Variants in GRM8 observed in about 807,000 individuals in gnomAD.
GRM8 encodes the protein metabotropic glutamate receptor 8.
Under a neutral mutation model 87.2 loss-of-function variants are expected in GRM8, and 47 were observed. The ratio of observed to expected loss-of-function variants is 0.54; its 90% CI spans 0.43 to 0.69. The LOEUF (loss-of-function observed/expected upper bound fraction) is 0.69, where lower values mean the gene tolerates loss of function less well. Ranked by LOEUF, GRM8 falls within the 30% of genes least tolerant of loss-of-function variation. The pLI, the probability that GRM8 is intolerant of heterozygous loss-of-function variation, is 0.00. For synonymous variants in GRM8, 396 were observed against 404.5 expected, an observed-to-expected ratio of 0.98 and a Z score of 0.25; for missense variants, 1,019 against 1,139.2, an observed-to-expected ratio of 0.89 and a Z score of 1.52.
chr7:127,196,697 A>C (rs904610416), intron 2 of GRM8, among the ~76,000 whole-genome samples: 1 of 152,212 alleles, frequency 6.6e-6, no homozygotes, highest in African/African-American at 2.4e-5. Flanking sequence ...AAGGCAATAA[A>C]GCAGAGCCTT....
At chr7:126,477,391 C>T (rs1260068706) in intron 9 of GRM8, among the ~76,000 whole-genome samples, 7 of 151,876 alleles carry the variant, frequency 4.6e-5, no homozygotes, top group Non-Finnish European at 8.8e-5. Flanking sequence ...ACCTGACACA[C>T]AGACACAAAG....
At chr7:127,149,748 CT>C (rs1424957304) in intron 2 of GRM8, among the ~76,000 whole-genome samples, 3 of 151,974 alleles carry the variant, frequency 2.0e-5, no homozygotes, top group Non-Finnish European at 4.4e-5. Flanking sequence ...GAACAAGATT[CT>C]ACTTGCCACG....
intron 6 of GRM8, among the ~76,000 whole-genome samples, chr7:126,825,606 T>A (rs760031245): frequency 2.6e-5 from 4 of 152,124 alleles, no homozygotes; most frequent in Non-Finnish European, 4.4e-5. Flanking sequence ...TACTTAATAG[T>A]GTTAAAGGAC....
intron 3 of GRM8, among the ~76,000 whole-genome samples, chr7:127,080,078 G>A (rs1822691384): frequency 6.6e-6 from 1 of 152,194 alleles, no homozygotes; most frequent in Non-Finnish European, 1.5e-5. Flanking sequence ...TAGCTATCCA[G>A]CTGAATTTGA....
At chr7:126,642,629 G>C (rs938986670) in intron 7 of GRM8, among the ~76,000 whole-genome samples, 1 of 142,426 alleles carries the variant, frequency 7.0e-6, no homozygotes, top group Non-Finnish European at 1.6e-5. Context: ...GACAGAGCGA[G>C]ACTCCATCTA....
At position 126,742,428 on chromosome 7, in the gene GRM8, C is replaced by T. The variant is rs544311252; in HGVS notation, c.1357+27437G>A. 3.3e-5 allele frequency among the ~76,000 whole-genome samples: 5 copies of T among 151,990 alleles called. No homozygotes were observed. In the East Asian group the frequency reaches 9.7e-4, roughly 30 times the overall value. ...CAGTCCTACAACAGTATCCTATTTCCTTTAATTTGGGACTTTAAAAAAGAT... is the reference window on the plus strand; with the variant it reads ...CAGTCCTACAACAGTATCCTATTTCTTTTAATTTGGGACTTTAAAAAAGAT... On this transcript the variant is annotated intron_variant, in intron 7 of 10. Transcript: ENST00000339582.
At chr7:126,893,497 A>G (rs1164753139) in intron 6 of GRM8, among the ~76,000 whole-genome samples, 1 of 152,038 alleles carries the variant, frequency 6.6e-6, no homozygotes, top group Non-Finnish European at 1.5e-5. Flanking sequence ...TATCAAATGC[A>G]TGCCAAGCTA....
intron 3 of GRM8, among the ~76,000 whole-genome samples, chr7:127,043,456 T>C (rs1054659454): frequency 3.3e-5 from 5 of 152,200 alleles, no homozygotes; most frequent in Non-Finnish European, 7.3e-5. Context: ...TGAGTTCATG[T>C]CCTTTGTAGG....
chr7:126,691,910 C>G (rs933207043), intron 7 of GRM8, among the ~76,000 whole-genome samples: 1 of 152,156 alleles, frequency 6.6e-6, no homozygotes, highest in Non-Finnish European at 1.5e-5. Flanking sequence ...ATCTTCGGGC[C>G]CTTTTAAATG....
At chr7:127,144,602 T>C (rs186824100) in intron 2 of GRM8, among the ~76,000 whole-genome samples, 1 of 152,300 alleles carries the variant, frequency 6.6e-6, no homozygotes, top group Non-Finnish European at 1.5e-5. Context: ...CATAGTTCTA[T>C]ATGTTGTTTT....
intron 8 of GRM8, among the ~76,000 whole-genome samples, chr7:126,556,184 T>C (rs936547189): frequency 5.3e-5 from 8 of 152,062 alleles, no homozygotes; most frequent in Admixed American, 3.9e-4. Flanking sequence ...AGCAGCTGCA[T>C]GTTTGAATAA....
At chr7:126,504,963 T>G (rs1213929341) in intron 9 of GRM8, among the ~76,000 whole-genome samples, 1 of 152,086 alleles carries the variant, frequency 6.6e-6, no homozygotes, top group Non-Finnish European at 1.5e-5. Flanking sequence ...TAACTGGTAG[T>G]GGAGCCAAGT....
intron 9 of GRM8, among the ~76,000 whole-genome samples, chr7:126,513,287 T>C (rs569367810): frequency 6.6e-6 from 1 of 152,228 alleles, no homozygotes; most frequent in African/African-American, 2.4e-5. Context: ...TGTGTGGTCT[T>C]CTTACCTGAC....
intron 8 of GRM8, among the ~76,000 whole-genome samples, chr7:126,552,976 G>T (rs1284712350): frequency 6.6e-6 from 1 of 152,100 alleles, no homozygotes; most frequent in Non-Finnish European, 1.5e-5. Flanking sequence ...TACTTCAAAT[G>T]ATTTTTCAGT....
At chr7:126,866,706 C>T (rs113124138) in intron 6 of GRM8, among the ~76,000 whole-genome samples, 14,699 of 150,576 alleles carry the variant, frequency 0.098, 752 homozygotes, top group Middle Eastern at 0.14. Flanking sequence ...ATTCTCCTGC[C>T]TCAGCCTCCT....
chr7:126,709,168 G>A (rs1164956847), intron 7 of GRM8, among the ~76,000 whole-genome samples: 1 of 152,086 alleles, frequency 6.6e-6, no homozygotes, highest in African/African-American at 2.4e-5. Flanking sequence ...TGTCTAACAG[G>A]TACATGAAAA....
At chr7:126,846,498 A>C (rs1796723241) in intron 6 of GRM8, among the ~76,000 whole-genome samples, 1 of 152,252 alleles carries the variant, frequency 6.6e-6, no homozygotes, top group South Asian at 2.1e-4. Context: ...CCAAAGGGCT[A>C]TGCTATTCTA....
chr7:126,784,699 TA>T (rs1330672066), intron 6 of GRM8, among the ~76,000 whole-genome samples: 1 of 152,200 alleles, frequency 6.6e-6, no homozygotes, highest in Non-Finnish European at 1.5e-5. Context: ...GATTGTTACA[TA>T]ATGCTTGTAA....
At chr7:126,465,031 TA>T (rs1326330068) in intron 9 of GRM8, among the ~76,000 whole-genome samples, 3 of 151,740 alleles carry the variant, frequency 2.0e-5, no homozygotes, top group African/African-American at 7.2e-5. Context: ...TCTCCTAGCA[TA>T]TTTTTTTTGA....
Sources: gnomAD v4.1 joint callset for allele counts (sites outside exome capture counted in the v4.1 genomes callset) on GRCh38, gnomAD v4.1.1 for gene constraint, MANE v1.5 for transcripts, NCBI Gene and HGNC (gene_info 2026-07-23, HGNC 2026-07-21) for gene names.